The following TMED3 variants were observed in gnomAD, a reference collection of about 807,000 sequenced individuals.
TMED3 encodes the protein transmembrane emp24 domain-containing protein 3.
TMED3 carries 9 observed loss-of-function variants against 15.0 expected under a neutral mutation model. The observed-to-expected ratio is 0.60, with a 90% CI of 0.36 to 1.04. The LOEUF is 1.04. Ranked by LOEUF, TMED3 falls within the 50% of genes least tolerant of loss-of-function variation. The pLI is 0.01. For synonymous variants in TMED3, 117 were observed against 121.4 expected (o/e 0.96, Z 0.24); for missense variants, 267 against 278.9 (o/e 0.96, Z 0.30).
chr15:79,350,849 C>T (rs774896537), intron 2 of TMED3, among the ~76,000 whole-genome samples: 8 of 152,210 alleles, frequency 5.3e-5, no homozygotes, highest in Non-Finnish European at 7.3e-5. Context: ...TCAGACTTCA[C>T]TGATCTCAGG....
chr15:79,400,865 G>T (rs540730791), intron 2 of TMED3, among the ~76,000 whole-genome samples: 1 of 152,256 alleles, frequency 6.6e-6, no homozygotes, highest in South Asian at 2.1e-4. Context: ...ATTCTCCTGT[G>T]GTGACAGCTA....
At position 79,322,604 on chromosome 15, in the gene TMED3, A is replaced by G. The variant is rs2058772793; in HGVS notation, c.*390A>G. The stretch of plus-strand genomic sequence containing the variant: ...ATGGGTCATTTGTCTTGGGTGTCCT[A>G]TCCCATATGGAGAAGAAAGGGGCTC... On this transcript the variant is annotated 3_prime_UTR_variant, in exon 3 of 3. Transcript: ENST00000299705. 3.0e-6 allele frequency: 3 copies of G among 1,014,596 alleles called. No individual in the cohort carries two copies. The highest frequency in any genetic ancestry group is 3.4e-5 in the African/African-American group (2 of 58,082). 62.8% of individuals were successfully genotyped at this position (1,014,596 alleles called of 1,614,324 possible). A position where few individuals can be genotyped will look rare whatever the true frequency, so the allele number is the denominator to read the frequency against.
chr15:79,316,526 CA>C (rs2058741105), intron 2 of TMED3, among the ~76,000 whole-genome samples: 1 of 152,144 alleles, frequency 6.6e-6, no homozygotes. Context: ...ATACTTGGGT[CA>C]GGGGAGGCCT....
At chr15:79,375,045 G>A (rs866237418) in intron 2 of TMED3, among the ~76,000 whole-genome samples, 16 of 152,092 alleles carry the variant, frequency 1.1e-4, no homozygotes, top group South Asian at 4.1e-4. Flanking sequence ...AGATACACTC[G>A]TAGCTTCTCA....
intron 2 of TMED3, among the ~76,000 whole-genome samples, chr15:79,341,681 C>T (rs1410923914): frequency 6.6e-6 from 1 of 152,212 alleles, no homozygotes; most frequent in Non-Finnish European, 1.5e-5. Flanking sequence ...AAAATTCCTA[C>T]TTCACTGGAG....
At chr15:79,317,447 C>T (rs1567021985) in intron 2 of TMED3, among the ~76,000 whole-genome samples, 2 of 152,198 alleles carry the variant, frequency 1.3e-5, no homozygotes, top group South Asian at 4.1e-4. Context: ...AAGGAGTCCC[C>T]AGTCAAGTGA....
intron 2 of TMED3, among the ~76,000 whole-genome samples, chr15:79,402,056 GTTTAT>G (rs1286394077): frequency 6.6e-6 from 1 of 152,188 alleles, no homozygotes; most frequent in African/African-American, 2.4e-5. Context: ...TGGGAAGATG[GTTTAT>G]TTTGAGACCT....
Position 79,311,307 on chromosome 15 carries a change from C to CGGGCCGAGCAGCCCTGCG in TMED3, c.68_85dup (p.Gln23_Glu28dup), listed in dbSNP as rs1233647566. On this transcript the variant is annotated inframe_insertion, in exon 1 of 3. Transcript: ENST00000299705. ...GCTGCTTCTGCTGCTGCTCCTGCGCCGGGCCGAGCAGCCCTGCGGGGCCGA... is the reference window on the plus strand; with the variant it reads ...GCTGCTTCTGCTGCTGCTCCTGCGCCGGGCCGAGCAGCCCTGCGGGGCCGAGCAGCCCTGCGGGGCCGA... 3.1e-6 allele frequency: 5 copies of CGGGCCGAGCAGCCCTGCG among 1,606,762 alleles called. No individual in the cohort carries two copies. Among genetic ancestry groups the CGGGCCGAGCAGCCCTGCG allele is most frequent in the Non-Finnish European group, 2.5e-6 (3 of 1,177,570 alleles).
chr15:79,375,140 G>A (rs542561299), intron 2 of TMED3, among the ~76,000 whole-genome samples: 1 of 152,284 alleles, frequency 6.6e-6, no homozygotes, highest in South Asian at 2.1e-4. Flanking sequence ...CTTATCAGCA[G>A]CATCCCTCTG....
At chr15:79,332,139 G>A (rs4299130) in intron 2 of TMED3, among the ~76,000 whole-genome samples, 27,435 of 152,210 alleles carry the variant, frequency 0.18, 2,470 homozygotes, top group Admixed American at 0.24. Flanking sequence ...GGCAATAGCC[G>A]TAGCATCTGA....
At chr15:79,400,424 A>G (rs560741178) in intron 2 of TMED3, among the ~76,000 whole-genome samples, 1 of 152,314 alleles carries the variant, frequency 6.6e-6, no homozygotes, top group African/African-American at 2.4e-5. Context: ...CAGGGATATC[A>G]GCTGTCTTGT....
chr15:79,389,363 A>G (rs140014584), intron 2 of TMED3, among the ~76,000 whole-genome samples: 1,835 of 151,960 alleles, frequency 0.012, 84 homozygotes, highest in East Asian at 0.11. Flanking sequence ...TCCCCACTTT[A>G]AGTTTTTGTT....
At chr15:79,340,092 A>T (rs916081116) in intron 2 of TMED3, among the ~76,000 whole-genome samples, 3 of 152,208 alleles carry the variant, frequency 2.0e-5, no homozygotes, top group African/African-American at 7.2e-5. Flanking sequence ...TGCTCCTAGT[A>T]AATACTGTTT....
chr15:79,389,266 A>T (rs765628766), intron 2 of TMED3, among the ~76,000 whole-genome samples: 1 of 150,988 alleles, frequency 6.6e-6, no homozygotes, highest in African/African-American at 2.4e-5. Flanking sequence ...CGATTTTTGT[A>T]TATGGTGAGA....
At chr15:79,349,475 T>C (rs2058883745) in intron 2 of TMED3, among the ~76,000 whole-genome samples, 1 of 152,138 alleles carries the variant, frequency 6.6e-6, no homozygotes, top group Non-Finnish European at 1.5e-5. Context: ...CCTCTTTTTC[T>C]TGTGAATTTT....
At chr15:79,401,812 G>T (rs1893837824) in intron 2 of TMED3, among the ~76,000 whole-genome samples, 4 of 152,198 alleles carry the variant, frequency 2.6e-5, no homozygotes, top group Admixed American at 2.6e-4. Flanking sequence ...AATGGGGTAT[G>T]TTGGGTGGGG....
intron 2 of TMED3, among the ~76,000 whole-genome samples, chr15:79,353,575 T>TAC (rs55929180): frequency 0.081 from 11,014 of 135,350 alleles, 577 homozygotes; most frequent in East Asian, 0.26. Context: ...GGGTTAAAAA[T>TAC]ACACACACAC....
chr15:79,409,960 G>A (rs1893951612), intron 2 of TMED3, among the ~76,000 whole-genome samples: 1 of 152,052 alleles, frequency 6.6e-6, no homozygotes, highest in Admixed American at 6.6e-5. Context: ...ACTAATACCC[G>A]AAGATCCATT....
chr15:79,364,708 A>T (rs1893195972), intron 2 of TMED3, among the ~76,000 whole-genome samples: 1 of 151,650 alleles, frequency 6.6e-6, no homozygotes, highest in African/African-American at 2.4e-5. Flanking sequence ...GAACACCGAG[A>T]GGAGTTCAGC....
Sources: allele counts gnomAD v4.1 joint callset (sites outside exome capture counted in the v4.1 genomes callset), GRCh38; gene constraint gnomAD v4.1.1; transcripts MANE v1.5; gene names NCBI Gene and HGNC (gene_info 2026-07-23, HGNC 2026-07-21).